Variants in GRM1 observed in about 807,000 individuals in gnomAD.
GRM1 encodes metabotropic glutamate receptor 1.
A neutral mutation model predicts 90.9 loss-of-function variants in GRM1; 33 were observed. That is an observed-to-expected ratio of 0.36 (90% confidence interval 0.28 to 0.49). The LOEUF is 0.49. Ranked by LOEUF, GRM1 falls within the 20% of genes least tolerant of loss-of-function variation. The pLI is 0.99. For missense variants in GRM1, 1,190 were observed against 1,534.3 expected, an observed-to-expected ratio of 0.78 and a Z score of 3.75; for synonymous variants, 700 against 613.2, an observed-to-expected ratio of 1.14 and a Z score of -2.09.
At chr6:146,103,548 C>G (rs1777119776) in intron 1 of GRM1, among the ~76,000 whole-genome samples, 1 of 152,198 alleles carries the variant, frequency 6.6e-6, no homozygotes, top group Non-Finnish European at 1.5e-5. Flanking sequence ...CTTCCACAGG[C>G]ACTGATTCTG....
intron 1 of GRM1, among the ~76,000 whole-genome samples, chr6:146,111,169 G>A (rs759170595): frequency 2.2e-4 from 34 of 152,214 alleles, no homozygotes; most frequent in African/African-American, 8.2e-4. Context: ...CAACAAAATG[G>A]CTCCAGGCTC....
chr6:146,041,300 C>T (rs2128841092), intron 1 of GRM1, among the ~76,000 whole-genome samples: 1 of 152,070 alleles, frequency 6.6e-6, no homozygotes, highest in Non-Finnish European at 1.5e-5. Context: ...TCCCTGTTTG[C>T]TGGTGTTTTT....
intron 2 of GRM1, among the ~76,000 whole-genome samples, chr6:146,196,167 T>C (rs1779109147): frequency 6.6e-6 from 1 of 152,180 alleles, no homozygotes; most frequent in African/African-American, 2.4e-5. Flanking sequence ...AAGTGATGGG[T>C]AATTATATGC....
At chr6:146,396,665 A>G (rs1269510554) in intron 6 of GRM1, among the ~76,000 whole-genome samples, 1 of 152,202 alleles carries the variant, frequency 6.6e-6, no homozygotes, top group Non-Finnish European at 1.5e-5. Flanking sequence ...AAAAAGACCC[A>G]TAAAATAAGA....
At chr6:146,061,330 C>T (rs1057188957) in intron 1 of GRM1, among the ~76,000 whole-genome samples, 4 of 152,064 alleles carry the variant, frequency 2.6e-5, no homozygotes, top group Non-Finnish European at 5.9e-5. Flanking sequence ...TAGACTTGTT[C>T]TATGCAGGAC....
rs754408280 is a variant in GRM1 at position 146,433,915 on chromosome 6, C to G, written c.2704C>G (p.Gln902Glu). The G allele has an allele frequency of 3.7e-6, 6 of 1,613,814 alleles. No individual in the cohort carries two copies. The highest frequency in any genetic ancestry group is 5.1e-6 in the Non-Finnish European group (6 of 1,179,712). ...GTCATGGTCTGAACCAGGTGGAGGA[C>G]AGGTGCCCAAGGGACAGCATATGTG... ...SVSWSEPGGG[Q>E]VPKGQHMWHR... The change falls in exon 8 of 8, where the codon CAG (glutamine) becomes GAG (glutamate). Residue 902 changes from glutamine to glutamate, a missense_variant. Gln to Glu is a conservative substitution (Grantham distance 29). Around this residue, in one of 10 missense-constraint regions of GRM1, gnomAD observed 400 missense variants for 360.8 expected, o/e 1.11. Transcript: ENST00000282753.
intron 2 of GRM1, 34 bp downstream of exon 2, chr6:146,159,631 TCTCTCTCTCTCA>T (rs1777640530): frequency 4.5e-5 from 67 of 1,473,570 alleles, no homozygotes; most frequent in Middle Eastern, 2.3e-4. Context: ...TCTCTCTCTC[TCTCTCTCTCTCA>T]CACACACACA....
chr6:146,331,397 G>GA lies in GRM1; in HGVS notation c.1187-20847dup, dbSNP rs1784584076. ...TGTTTTTACATTTTTACTAGCTAGAGAAAAAATGGATAGTAAACAAGAAAT... is the reference window on the plus strand; with the variant it reads ...TGTTTTTACATTTTTACTAGCTAGAGAAAAAAATGGATAGTAAACAAGAAAT... On this transcript the variant is annotated intron_variant, in intron 3 of 7. Coordinates refer to ENST00000282753, the MANE Select transcript of GRM1 (RefSeq NM_001278064.2). Among the ~76,000 whole-genome samples, 3 of 152,130 alleles carry GA rather than the reference G, an allele frequency of 2.0e-5. No homozygotes were observed. The South Asian group carries it at 6.2e-4, about 32-fold the overall frequency.
At chr6:146,396,384 T>C (rs1033653104) in intron 6 of GRM1, among the ~76,000 whole-genome samples, 1 of 152,120 alleles carries the variant, frequency 6.6e-6, no homozygotes, top group Non-Finnish European at 1.5e-5. Flanking sequence ...CTTTCATAAG[T>C]TGACAACACG....
At chr6:146,264,371 G>T (rs896246309) in intron 2 of GRM1, among the ~76,000 whole-genome samples, 6 of 152,088 alleles carry the variant, frequency 3.9e-5, no homozygotes, top group Non-Finnish European at 7.4e-5. Context: ...TTAATAAAAG[G>T]TTTAGCCCAA....
intron 5 of GRM1, among the ~76,000 whole-genome samples, chr6:146,360,436 T>C (rs1156247971): frequency 6.6e-6 from 1 of 151,998 alleles, no homozygotes; most frequent in Non-Finnish European, 1.5e-5. Context: ...TAGGGTCCAC[T>C]CAGGAAAAAA....
intron 6 of GRM1, among the ~76,000 whole-genome samples, chr6:146,391,205 T>C (rs1776706344): frequency 1.3e-5 from 2 of 152,126 alleles, no homozygotes; most frequent in South Asian, 4.1e-4. Context: ...TAAGATGTAC[T>C]GGATCTTATA....
intron 2 of GRM1, among the ~76,000 whole-genome samples, chr6:146,274,787 T>C (rs1410177098): frequency 6.6e-6 from 1 of 152,206 alleles, no homozygotes. Context: ...TTTGCTTTAA[T>C]AGTCACATGA....
rs189809583 is a variant in GRM1, at chr6:146,147,847, C to T, written c.701-11501C>T. 2.0e-5 allele frequency among the ~76,000 whole-genome samples: 3 copies of T among 152,044 alleles called. No homozygotes were observed. The East Asian group carries it at 5.8e-4, about 29-fold the overall frequency. ...CTCATAGATCAATAAATCTACATCT[C>T]CCAAACTCAGTCTCATTGAGTCTTC... is the stretch of plus-strand genomic sequence containing the variant. On this transcript the variant is annotated intron_variant, in intron 1 of 7. Coordinates refer to ENST00000282753, the MANE Select transcript of GRM1 (RefSeq NM_001278064.2).
chr6:146,246,734 TAGC>T (rs1398942303), intron 2 of GRM1, among the ~76,000 whole-genome samples: 1 of 152,210 alleles, frequency 6.6e-6, no homozygotes, highest in African/African-American at 2.4e-5. Flanking sequence ...ATCTGGATAA[TAGC>T]AGGTTCTTGA....
At chr6:146,217,670 T>C (rs1779919126) in intron 2 of GRM1, among the ~76,000 whole-genome samples, 1 of 152,142 alleles carries the variant, frequency 6.6e-6, no homozygotes. Flanking sequence ...TACTAAGACA[T>C]GGCCTTTCTT....
chr6:146,411,817 G>T (rs1397657891), intron 7 of GRM1, among the ~76,000 whole-genome samples: 2 of 152,136 alleles, frequency 1.3e-5, no homozygotes, highest in Non-Finnish European at 2.9e-5. Flanking sequence ...GGATTGTTGG[G>T]CTACAAGACC....
Position 146,436,782 on chromosome 6 carries a change from G to A in GRM1, c.*1986G>A, listed in dbSNP as rs975512739. The A allele has an allele frequency of 1.3e-5, 2 of 152,454 alleles. No homozygotes were observed. Among genetic ancestry groups the A allele is most frequent in the Non-Finnish European group, 2.9e-5 (2 of 67,992 alleles). The allele number at this position is 152,454 out of a possible 1,614,324, so 9.4% of individuals were successfully genotyped here. A position where few individuals can be genotyped will look rare whatever the true frequency, so the allele number is the denominator to read the frequency against. On this transcript the variant is annotated 3_prime_UTR_variant, in exon 8 of 8. Transcript: ENST00000282753. ...TATCTTTGTTTATGCCTTATGTTCAGTCATATTTTAATATGCTTCCTTCAT... is the reference window on the plus strand; with the variant it reads ...TATCTTTGTTTATGCCTTATGTTCAATCATATTTTAATATGCTTCCTTCAT...
chr6:146,047,810 G>A (rs952947071), intron 1 of GRM1, among the ~76,000 whole-genome samples: 1 of 151,916 alleles, frequency 6.6e-6, no homozygotes, highest in African/African-American at 2.4e-5. Context: ...CATACTTATT[G>A]GACAAATCTT....
Sources: gnomAD v4.1 joint callset for allele counts (sites outside exome capture counted in the v4.1 genomes callset) on GRCh38, gnomAD v4.1.1 for gene constraint, gnomAD v4.1.1 regional missense constraint, MANE v1.5 for transcripts, NCBI Gene and HGNC (gene_info 2026-07-23, HGNC 2026-07-21) for gene names.